Variants in FSTL4 observed in about 807,000 individuals in gnomAD.
FSTL4 encodes the protein follistatin like 4.
Under a neutral mutation model 78.2 loss-of-function variants are expected in FSTL4, and 28 were observed. That is an observed-to-expected ratio of 0.36 (90% CI 0.27 to 0.49). The LOEUF (loss-of-function observed/expected upper bound fraction) is 0.49. Among genes scored for constraint, FSTL4 ranks in the 20% least tolerant of loss-of-function variants. The pLI is 0.98. For synonymous variants in FSTL4, 422 were observed against 440.5 expected (o/e 0.96, Z 0.53); for missense variants, 922 against 1,084.9 (o/e 0.85, Z 2.11).
At chr5:133,632,679 GT>G in the FSTL4 span, among the ~76,000 whole-genome samples, 2 of 151,764 alleles carry the variant, frequency 1.3e-5, no homozygotes, top group South Asian at 2.1e-4. Context: ...TTTTTTGTTT[GT>G]TTTTTTTGTT....
At chr5:133,371,860 C>T (rs1049187818) in intron 4 of FSTL4, among the ~76,000 whole-genome samples, 13 of 152,342 alleles carry the variant, frequency 8.5e-5, no homozygotes, top group Admixed American at 3.9e-4. Flanking sequence ...GAAATTCCTC[C>T]GCCTCTTCCC....
chr5:133,503,486 G>T (rs1318132124), intron 3 of FSTL4, among the ~76,000 whole-genome samples: 1 of 152,094 alleles, frequency 6.6e-6, no homozygotes, highest in African/African-American at 2.4e-5. Context: ...AAGTTGTCTT[G>T]AGGGAATTCA....
intron 3 of FSTL4, among the ~76,000 whole-genome samples, chr5:133,434,851 A>G (rs1179665168): frequency 6.6e-6 from 1 of 152,064 alleles, no homozygotes; most frequent in African/African-American, 2.4e-5. Flanking sequence ...CCTTATTTTG[A>G]TTATTAGGAA....
the FSTL4 span, among the ~76,000 whole-genome samples, chr5:133,804,775 T>C: frequency 0.017 from 2,654 of 151,724 alleles, 85 homozygotes; most frequent in African/African-American, 0.06. Context: ...AAACCCCATC[T>C]CTACTAAAAA....
chr5:133,316,375 T>C (rs1428360650), intron 5 of FSTL4, 84 bp downstream of exon 5: 6 of 1,038,510 alleles, frequency 5.8e-6, no homozygotes, highest in Non-Finnish European at 7.3e-6. Flanking sequence ...ATTGAACACA[T>C]GCTCTTAGAC....
At chr5:133,713,226 T>C in the FSTL4 span, among the ~76,000 whole-genome samples, 9 of 152,220 alleles carry the variant, frequency 5.9e-5, no homozygotes, top group Admixed American at 5.2e-4. Context: ...TTAAAATCTA[T>C]GTGATAATTG....
intron 3 of FSTL4, among the ~76,000 whole-genome samples, chr5:133,512,170 G>A (rs549366597): frequency 3.1e-4 from 47 of 152,172 alleles, no homozygotes; most frequent in Non-Finnish European, 6.2e-4. Flanking sequence ...ACCCTGCCTC[G>A]CCACAGCGTC....
chr5:133,315,956 A>G (rs1212626596), intron 5 of FSTL4, among the ~76,000 whole-genome samples: 1 of 152,186 alleles, frequency 6.6e-6, no homozygotes, highest in African/African-American at 2.4e-5. Flanking sequence ...GGCAAACCTC[A>G]GGGTGTAATG....
chr5:133,360,197 G>A (rs976596116), intron 4 of FSTL4, among the ~76,000 whole-genome samples: 3 of 152,122 alleles, frequency 2.0e-5, no homozygotes, highest in Non-Finnish European at 4.4e-5. Context: ...TCTTCTCAAC[G>A]TTTACTCAAA....
chr5:133,683,565 T>C, the FSTL4 span, among the ~76,000 whole-genome samples: 3 of 152,292 alleles, frequency 2.0e-5, no homozygotes, highest in Non-Finnish European at 4.4e-5. Context: ...AGGCCATGCA[T>C]CAAGATCCGA....
At chr5:133,508,002 G>A (rs753382364) in intron 3 of FSTL4, among the ~76,000 whole-genome samples, 7 of 152,032 alleles carry the variant, frequency 4.6e-5, no homozygotes, top group Admixed American at 6.6e-5. Flanking sequence ...GTATTTTGCC[G>A]GATGTCATCA....
chr5:133,596,671 C>A (rs1050710918), intron 2 of FSTL4, among the ~76,000 whole-genome samples: 1 of 152,016 alleles, frequency 6.6e-6, no homozygotes, highest in Non-Finnish European at 1.5e-5. Flanking sequence ...TACCTTAGCC[C>A]GGTCCCACCG....
chr5:133,224,839 G>A (rs1012748442), intron 10 of FSTL4, among the ~76,000 whole-genome samples: 2 of 152,214 alleles, frequency 1.3e-5, no homozygotes, highest in Non-Finnish European at 2.9e-5. Context: ...GAAGGGCAGA[G>A]GTTCAGGGCA....
intron 3 of FSTL4, among the ~76,000 whole-genome samples, chr5:133,492,723 T>A (rs909207982): frequency 1.3e-5 from 2 of 152,148 alleles, no homozygotes; most frequent in African/African-American, 4.8e-5. Flanking sequence ...TTTAAAAAAA[T>A]TTTGGAAAAG....
chr5:133,759,986 G>A, the FSTL4 span, among the ~76,000 whole-genome samples: 4,810 of 152,274 alleles, frequency 0.032, 270 homozygotes, highest in African/African-American at 0.11. Context: ...AACCAAACAG[G>A]CTGAGCTCTT....
At chr5:133,315,473 C>T (rs1173640717) in intron 5 of FSTL4, among the ~76,000 whole-genome samples, 3 of 152,226 alleles carry the variant, frequency 2.0e-5, no homozygotes, top group African/African-American at 7.2e-5. Flanking sequence ...CTCCCCACCC[C>T]ACTTCTTCCC....
At chr5:133,522,358 C>T (rs759045457) in intron 3 of FSTL4, among the ~76,000 whole-genome samples, 3 of 152,194 alleles carry the variant, frequency 2.0e-5, no homozygotes, top group Non-Finnish European at 4.4e-5. Context: ...CAGCATTCTT[C>T]CTTTAACGAC....
At chr5:133,575,131 A>G (rs1388356388) in intron 2 of FSTL4, 2 of 152,202 alleles carry the variant, frequency 1.3e-5, no homozygotes, top group Non-Finnish European at 2.9e-5. Context: ...AAATAGAGGG[A>G]ACAAACCCCA....
At chr5:133,272,147 C>A (rs1323382503) in intron 6 of FSTL4, among the ~76,000 whole-genome samples, 1 of 152,234 alleles carries the variant, frequency 6.6e-6, no homozygotes, top group Admixed American at 6.5e-5. Context: ...CCAGGAATGT[C>A]AATTCCTACA....
Sources: gnomAD v4.1 joint callset for allele counts (sites outside exome capture counted in the v4.1 genomes callset) on GRCh38, gnomAD v4.1.1 for gene constraint, MANE v1.5 for transcripts, NCBI Gene and HGNC (gene_info 2026-07-23, HGNC 2026-07-21) for gene names.